The following TENM2 variants were observed in gnomAD, a reference collection of about 807,000 sequenced individuals.
TENM2 encodes the protein teneurin transmembrane protein 2, also known as teneurin-2.
A neutral mutation model predicts 245.2 loss-of-function variants in TENM2; 52 were observed. The ratio of observed to expected loss-of-function variants is 0.21; its 90% CI spans 0.17 to 0.27. The LOEUF (loss-of-function observed/expected upper bound fraction) is 0.27. TENM2 is among the 10% of genes least tolerant of loss of function. TENM2 has a pLI of 1.00. For synonymous variants in TENM2, 1,363 were observed against 1,438.9 expected, an observed-to-expected ratio of 0.95 and a Z score of 1.19; for missense variants, 3,046 against 3,666.8, an observed-to-expected ratio of 0.83 and a Z score of 4.37.
intron 1 of TENM2, among the ~76,000 whole-genome samples, chr5:167,329,756 T>C (rs1003717669): frequency 6.6e-5 from 10 of 151,928 alleles, no homozygotes; most frequent in Non-Finnish European, 1.3e-4. Context: ...AAAATAGAAA[T>C]AGAAAGAAGA....
intron 14 of TENM2, among the ~76,000 whole-genome samples, chr5:168,191,157 TA>T (rs1359617300): frequency 6.6e-6 from 1 of 152,238 alleles, no homozygotes; most frequent in East Asian, 1.9e-4. Flanking sequence ...TCCAGTTTAT[TA>T]TTGCTCTTAG....
At chr5:167,312,375 T>G (rs944317156) in intron 1 of TENM2, among the ~76,000 whole-genome samples, 6 of 152,174 alleles carry the variant, frequency 3.9e-5, no homozygotes, top group Admixed American at 3.9e-4. Flanking sequence ...TGGTCTACTG[T>G]TAGTCTCCAC....
chr5:167,855,831 G>GAT lies in TENM2; in HGVS notation c.503-20154_503-20153insTA, dbSNP rs1771030286. On this transcript the variant is annotated intron_variant, in intron 2 of 28. Transcript: ENST00000518659. ...GGAGGGAAGAAGGAAGGAAGGGAGG[G>GAT]AGAGAGGGAGGGAGGGAAGGAATGA... 6.7e-5 allele frequency among the ~76,000 whole-genome samples: 3 copies of GAT among 45,058 alleles called. 1 individual carries two copies. Among genetic ancestry groups the GAT allele is most frequent in the Non-Finnish European group, 2.1e-4 (3 of 14,630 alleles). 29.6% of individuals were successfully genotyped at this position (45,058 alleles called of 152,430 possible).
At chr5:167,890,870 T>C (rs1215426087) in intron 3 of TENM2, among the ~76,000 whole-genome samples, 2 of 152,164 alleles carry the variant, frequency 1.3e-5, no homozygotes, top group Admixed American at 1.3e-4. Flanking sequence ...CATCTTTACT[T>C]TTAGGAAACA....
At chr5:167,917,920 C>T (rs1384223351) in intron 3 of TENM2, among the ~76,000 whole-genome samples, 5 of 152,004 alleles carry the variant, frequency 3.3e-5, no homozygotes, top group South Asian at 4.2e-4. Context: ...TCTGTGTAAC[C>T]GCTCCAATAT....
intron 2 of TENM2, among the ~76,000 whole-genome samples, chr5:167,472,308 A>G (rs954149149): frequency 7.9e-5 from 12 of 152,122 alleles, no homozygotes; most frequent in African/African-American, 2.9e-4. Context: ...TTTTATACCC[A>G]TTATTGGAAA....
intron 2 of TENM2, among the ~76,000 whole-genome samples, chr5:167,861,776 G>A (rs1283435823): frequency 1.3e-5 from 2 of 152,212 alleles, no homozygotes; most frequent in African/African-American, 2.4e-5. Context: ...GTATCTCGCT[G>A]AGCCTGATAG....
intron 2 of TENM2, among the ~76,000 whole-genome samples, chr5:167,781,027 C>T (rs1764153632): frequency 6.6e-6 from 1 of 152,154 alleles, no homozygotes; most frequent in Non-Finnish European, 1.5e-5. Context: ...CCCTATGTTA[C>T]AGGCCTGCTG....
chr5:168,066,018 A>G (rs866157191), intron 7 of TENM2, among the ~76,000 whole-genome samples: 2 of 152,180 alleles, frequency 1.3e-5, no homozygotes, highest in Non-Finnish European at 1.5e-5. Flanking sequence ...ATAGAGGCCA[A>G]GGATGCTGCT....
intron 2 of TENM2, among the ~76,000 whole-genome samples, chr5:167,842,833 C>T (rs114415037): frequency 0.016 from 2,426 of 152,180 alleles, 58 homozygotes; most frequent in African/African-American, 0.054. Context: ...TCTCATCAAA[C>T]GCTGATTGGA....
intron 2 of TENM2, among the ~76,000 whole-genome samples, chr5:167,867,152 G>A (rs1212102995): frequency 1.3e-5 from 2 of 152,188 alleles, no homozygotes; most frequent in Non-Finnish European, 2.9e-5. Context: ...GTGTGTCACT[G>A]CAGGTAAGGT....
intron 2 of TENM2, among the ~76,000 whole-genome samples, chr5:167,774,464 T>C (rs1440849852): frequency 1.3e-5 from 2 of 152,174 alleles, no homozygotes; most frequent in African/African-American, 4.8e-5. Context: ...CGTGGATGCA[T>C]TGACCCAGGT....
chr5:167,976,387 ATAGTG>A (rs1162445893), intron 4 of TENM2, among the ~76,000 whole-genome samples: 1 of 152,206 alleles, frequency 6.6e-6, no homozygotes, highest in Non-Finnish European at 1.5e-5. Flanking sequence ...GGAATAATAA[ATAGTG>A]TAGAGTACTG....
chr5:167,349,318 C>G (rs1458047583), intron 1 of TENM2, among the ~76,000 whole-genome samples: 1 of 152,092 alleles, frequency 6.6e-6, no homozygotes, highest in African/African-American at 2.4e-5. Context: ...CTATTATTAT[C>G]CTTATTTTAT....
intron 2 of TENM2, among the ~76,000 whole-genome samples, chr5:167,577,698 T>C (rs183151802): frequency 5.9e-5 from 9 of 152,298 alleles, no homozygotes; most frequent in African/African-American, 1.9e-4. Flanking sequence ...TTGTTTGTTG[T>C]TTGCCTCTTG....
chr5:167,550,942 T>A (rs913609630), intron 2 of TENM2, among the ~76,000 whole-genome samples: 1 of 152,098 alleles, frequency 6.6e-6, no homozygotes, highest in African/African-American at 2.4e-5. Context: ...TTGGCCATGC[T>A]GGTCTTGAAC....
chr5:168,200,187 G>A (rs1048053316), intron 17 of TENM2, 56 bp downstream of exon 19: 71 of 1,517,514 alleles, frequency 4.7e-5, no homozygotes, highest in Non-Finnish European at 5.6e-5. Flanking sequence ...GTGTTAATTC[G>A]ACCCATATTT....
At chr5:168,152,025 G>A (rs1369404545) in intron 12 of TENM2, among the ~76,000 whole-genome samples, 1 of 152,212 alleles carries the variant, frequency 6.6e-6, no homozygotes, top group African/African-American at 2.4e-5. Flanking sequence ...CCATTGGCTG[G>A]TGTCAAATCC....
intron 2 of TENM2, among the ~76,000 whole-genome samples, chr5:167,465,004 G>T (rs1766553351): frequency 6.6e-6 from 1 of 152,168 alleles, no homozygotes. Context: ...ACATGACATT[G>T]ATGTGTTTAC....
Sources: allele counts gnomAD v4.1 joint callset (sites outside exome capture counted in the v4.1 genomes callset), GRCh38; gene constraint gnomAD v4.1.1; transcripts MANE v1.5; gene names NCBI Gene and HGNC (gene_info 2026-07-23, HGNC 2026-07-21).